Variants in TRPC5 observed in about 807,000 individuals in gnomAD.
TRPC5 encodes the protein transient receptor potential cation channel subfamily C member 5.
In TRPC5, 9 loss-of-function variants were observed where a neutral mutation model predicts 56.5. That is an observed-to-expected ratio of 0.16 (90% CI 0.10 to 0.28). TRPC5 has a LOEUF of 0.28. Ranked by LOEUF, TRPC5 falls within the 10% of genes least tolerant of loss-of-function variation. The probability of loss-of-function intolerance (pLI) is 1.00; values close to 1 mark genes in which losing one functional copy is unlikely to be tolerated. For synonymous variants in TRPC5, 282 were observed against 278.5 expected (o/e 1.01, Z -0.13); for missense variants, 469 against 748.9 (o/e 0.63, Z 4.36).
chrX:111,803,630 T>C (rs762064929), intron 7 of TRPC5, among the ~76,000 whole-genome samples: 23 of 112,785 alleles, frequency 2.0e-4, no homozygotes, highest in Non-Finnish European at 4.3e-4. Context: ...ATGTGTCTTT[T>C]GGCTGCATAG....
At chrX:112,023,107 TG>T (rs1929315439) in intron 1 of TRPC5, among the ~76,000 whole-genome samples, 1 of 109,642 alleles carries the variant, frequency 9.1e-6, no homozygotes, top group African/African-American at 3.3e-5. Flanking sequence ...GCTAATTTTT[TG>T]TATTTTTAGT....
intron 5 of TRPC5, among the ~76,000 whole-genome samples, chrX:111,851,510 GGTGT>G (rs563243659): frequency 0.025 from 2,522 of 98,945 alleles, 33 homozygotes; most frequent in Middle Eastern, 0.041. Flanking sequence ...GTATTAAGGT[GGTGT>G]GTGTGTGTGT....
At chrX:111,898,121 C>A in intron 3 of TRPC5, among the ~76,000 whole-genome samples, 1 of 108,572 alleles carries the variant, frequency 9.2e-6, no homozygotes. Flanking sequence ...ATTTGCATTT[C>A]TTTGATTACT....
chrX:111,959,783 A>G (rs750758410), intron 1 of TRPC5, among the ~76,000 whole-genome samples: 1 of 111,614 alleles, frequency 9.0e-6, no homozygotes, highest in South Asian at 3.8e-4. Context: ...ACAAATATCC[A>G]TGCTTAGGTC....
At chrX:111,930,715 G>A (rs1390587885) in intron 2 of TRPC5, 1 of 111,997 alleles carries the variant, frequency 8.9e-6, no homozygotes, top group Non-Finnish European at 1.9e-5. Flanking sequence ...GGCAGTGGTA[G>A]CTGCAATTTG....
chrX:111,908,791 C>T (rs1048952230), intron 3 of TRPC5, among the ~76,000 whole-genome samples: 4 of 111,742 alleles, frequency 3.6e-5, no homozygotes, highest in African/African-American at 1.3e-4. Context: ...TGCTGAATAT[C>T]CATAATATTG....
At chrX:111,825,623 C>T (rs774668500) in intron 7 of TRPC5, among the ~76,000 whole-genome samples, 34 of 111,446 alleles carry the variant, frequency 3.1e-4, no homozygotes, top group African/African-American at 1.1e-3. Context: ...TAAGATCTGA[C>T]AAGTTAAAAA....
intron 1 of TRPC5, among the ~76,000 whole-genome samples, chrX:112,015,207 T>C (rs186952275): frequency 5.4e-5 from 6 of 110,569 alleles, no homozygotes; most frequent in Non-Finnish European, 1.1e-4. Flanking sequence ...ACCTGGCTAA[T>C]TTTTTGTATT....
In TRPC5 at chrX:111,874,029, G is replaced by T. The variant is rs761919438; in HGVS notation, c.901-19923C>A. ...GTCTTTCTCTGGTAGAGAAAGGAAG[G>T]ATCCTCAATGCTCGGATGGCTTTTA... On this transcript the variant is annotated intron_variant, in intron 3 of 10. Coordinates refer to ENST00000262839, the MANE Select transcript of TRPC5 (RefSeq NM_012471.3). Among the ~76,000 whole-genome samples, 10 of 111,357 alleles carry T rather than the reference G, an allele frequency of 9.0e-5. No individual in the cohort carries two copies. In the South Asian group the frequency reaches 3.8e-3, roughly 43 times the overall value.
intron 1 of TRPC5, among the ~76,000 whole-genome samples, chrX:112,063,633 C>T (rs979633314): frequency 8.9e-6 from 1 of 111,971 alleles, no homozygotes; most frequent in African/African-American, 3.3e-5. Context: ...CCCCTTTCCT[C>T]ACAGGGGACT....
chrX:111,995,985 C>G (rs891280292), intron 1 of TRPC5, among the ~76,000 whole-genome samples: 1 of 108,349 alleles, frequency 9.2e-6, no homozygotes, highest in Non-Finnish European at 1.9e-5. Context: ...CTATCTCTTT[C>G]ACTTCTGCTC....
chrX:111,836,992 G>C (rs1358922378), intron 6 of TRPC5, among the ~76,000 whole-genome samples: 2 of 112,483 alleles, frequency 1.8e-5, no homozygotes, highest in Non-Finnish European at 3.7e-5. Context: ...CTTGCTAAGT[G>C]GCTCTTCTCT....
intron 3 of TRPC5, among the ~76,000 whole-genome samples, chrX:111,904,333 C>A (rs775008219): frequency 5.4e-5 from 6 of 111,848 alleles, no homozygotes; most frequent in Non-Finnish European, 1.1e-4. Context: ...AATGTGCATG[C>A]GTATGTTCAT....
chrX:112,020,034 C>T (rs913303356), intron 1 of TRPC5, among the ~76,000 whole-genome samples: 8 of 111,763 alleles, frequency 7.2e-5, no homozygotes, highest in African/African-American at 1.9e-4. Context: ...GATTCATCCT[C>T]GCATTCGTAT....
intron 1 of TRPC5, among the ~76,000 whole-genome samples, chrX:111,979,340 T>A (rs1928016999): frequency 9.0e-6 from 1 of 111,473 alleles, no homozygotes; most frequent in Non-Finnish European, 1.9e-5. Context: ...ATCACAGACC[T>A]ATGTGTAAGG....
At chrX:111,906,593 G>GA (rs1266727361) in intron 3 of TRPC5, among the ~76,000 whole-genome samples, 6 of 110,768 alleles carry the variant, frequency 5.4e-5, no homozygotes, top group Non-Finnish European at 7.6e-5. Flanking sequence ...ATTTTATGAA[G>GA]AAAAAAAATG....
At chrX:112,040,858 T>A (rs1929873144) in intron 1 of TRPC5, among the ~76,000 whole-genome samples, 1 of 112,054 alleles carries the variant, frequency 8.9e-6, no homozygotes, top group South Asian at 3.7e-4. Context: ...GTATAAGTAG[T>A]TTGTTTCAGA....
intron 9 of TRPC5, among the ~76,000 whole-genome samples, chrX:111,779,559 C>G (rs926662233): frequency 1.8e-4 from 20 of 111,877 alleles, no homozygotes; most frequent in Non-Finnish European, 3.6e-4. Context: ...TTTCACTAAG[C>G]CCCCAGGGGA....
chrX:111,904,307 T>C (rs1421076242), intron 3 of TRPC5, among the ~76,000 whole-genome samples: 1 of 112,357 alleles, frequency 8.9e-6, no homozygotes, highest in Non-Finnish European at 1.9e-5. Flanking sequence ...TCACGACTTT[T>C]CAGGAATATC....
Sources: allele counts gnomAD v4.1 joint callset (sites outside exome capture counted in the v4.1 genomes callset), GRCh38; gene constraint gnomAD v4.1.1; transcripts MANE v1.5; gene names NCBI Gene and HGNC (gene_info 2026-07-23, HGNC 2026-07-21).